ST18: variants seen among roughly 807,000 people sequenced by gnomAD.
ST18 encodes ST18 C2H2C-type zinc finger transcription factor, also known as suppression of tumorigenicity 18 protein.
ST18 carries 50 observed loss-of-function variants against 110.0 expected under a neutral mutation model. The ratio of observed to expected loss-of-function variants is 0.45; its 90% CI spans 0.36 to 0.58. The LOEUF (loss-of-function observed/expected upper bound fraction) is 0.58, where lower values mean the gene tolerates loss of function less well. Ranked by LOEUF, ST18 falls within the 20% of genes least tolerant of loss-of-function variation. The pLI is 0.00. For missense variants in ST18, 1,306 were observed against 1,280.1 expected, an observed-to-expected ratio of 1.02 and a Z score of -0.31; for synonymous variants, 461 against 452.4, an observed-to-expected ratio of 1.02 and a Z score of -0.24.
intron 7 of ST18, among the ~76,000 whole-genome samples, chr8:52,213,570 T>C (rs570985114): frequency 1.3e-5 from 2 of 152,296 alleles, no homozygotes; most frequent in South Asian, 4.2e-4. Flanking sequence ...TATAATAAAA[T>C]TTATTTTCCT....
Position 52,158,892 on chromosome 8 carries a change from G to A in ST18, c.1806+6C>T, listed in dbSNP as rs1423996771. The A allele has an allele frequency of 3.1e-6, 5 of 1,613,912 alleles. No homozygotes were observed. The highest frequency in any genetic ancestry group is 4.2e-6 in the Non-Finnish European group (5 of 1,179,824). On this transcript the variant is annotated splice_donor_region_variant and intron_variant, in intron 15 of 25. Coordinates refer to ENST00000689386, the MANE Select transcript of ST18 (RefSeq NM_001352837.2). The stretch of plus-strand genomic sequence containing the variant: ...GCCCACCCTCCGGGCTCTTGGACTG[G>A]CCTACCTTGGCATGCAGACTCTGTG...
chr8:52,399,026 T>C (rs190104956), intron 2 of ST18, among the ~76,000 whole-genome samples: 2 of 152,190 alleles, frequency 1.3e-5, no homozygotes, highest in Admixed American at 6.5e-5. Context: ...TAATTCTTCT[T>C]TGAATGTTTG....
intron 9 of ST18, among the ~76,000 whole-genome samples, chr8:52,173,191 A>G (rs149195836): frequency 6.6e-6 from 1 of 152,198 alleles, no homozygotes; most frequent in East Asian, 1.9e-4. Context: ...TACCTTTGTA[A>G]TTGTCACCCT....
At chr8:52,315,754 A>C (rs1010079912) in intron 2 of ST18, among the ~76,000 whole-genome samples, 1 of 152,238 alleles carries the variant, frequency 6.6e-6, no homozygotes, top group Non-Finnish European at 1.5e-5. Flanking sequence ...ACTTAGCTAT[A>C]TAGCTGTCAA....
intron 25 of ST18, among the ~76,000 whole-genome samples, chr8:52,114,148 T>A (rs1312913114): frequency 1.3e-5 from 2 of 151,744 alleles, no homozygotes; most frequent in Non-Finnish European, 2.9e-5. Context: ...TTTTGTATTT[T>A]TATTAGAGAT....
chr8:52,288,999 C>T (rs2095512877), intron 2 of ST18, among the ~76,000 whole-genome samples: 3 of 152,148 alleles, frequency 2.0e-5, no homozygotes, highest in African/African-American at 7.2e-5. Context: ...CATTTTCCTA[C>T]ATGACCATCA....
rs1423723619 is a variant in ST18 at position 52,112,596 on chromosome 8, T to C, written c.*602A>G. On this transcript the variant is annotated 3_prime_UTR_variant, in exon 26 of 26. Coordinates refer to ENST00000689386, the MANE Select transcript of ST18 (RefSeq NM_001352837.2). ...CTAGTGGGCGCCATTTGTCTTCTTA[T>C]TCCTTCCGTGCAGCTCACCTTACCG... 2 of 152,618 alleles carry C rather than the reference T, an allele frequency of 1.3e-5. No homozygotes were observed. The highest frequency in any genetic ancestry group is 1.3e-4 in the Admixed American group (2 of 15,274). 9.5% of individuals were successfully genotyped at this position (152,618 alleles called of 1,614,324 possible).
rs143603516 is a variant in ST18, at chr8:52,172,307, G to C, written c.554C>G (p.Pro185Arg). 4.3e-6 allele frequency: 7 copies of C among 1,614,016 alleles called. No homozygotes were observed. Among genetic ancestry groups the C allele is most frequent in the Admixed American group, 3.3e-5 (2 of 59,998 alleles). Residue 185 changes from proline (P) to arginine (R), a missense_variant, in exon 10 of 26, where the codon CCC (proline) becomes CGC (arginine). Transcript: ENST00000689386. ...TTCATTGTCATCAGAGGAGCAGAAG[G>C]GTGGCTGAGAATCATCAATCTTGTC... ...GRDKIDDSQP[P>R]FCSSDDNESN...
Position 52,133,043 on chromosome 8 carries a change from A to G in ST18, c.2444+14T>C. On this transcript the variant is annotated intron_variant, in intron 21 of 25. Transcript: ENST00000689386. ...AGAGACAGCTGACCCCCATGTCTCA[A>G]CTGTTGCACTTACTTCAGTTCAGGG... is the stretch of plus-strand genomic sequence containing the variant. The G allele has an allele frequency of 6.2e-7, 1 of 1,613,742 alleles. No homozygotes were observed. Among genetic ancestry groups the G allele is most frequent in the Non-Finnish European group, 8.5e-7 (1 of 1,179,724 alleles).
rs372409989 is a variant in ST18, at chr8:52,159,046, T to C, written c.1658A>G (p.Gln553Arg). The stretch of plus-strand genomic sequence containing the variant: ...ATAAGAGCTGGCACGGCCAGGGCTC[T>C]GGGTGTGGGCGCCTGCACTAGGCAG... Reference protein sequence around the residue: ...NRLPSAGAHTQSPGRASSYSY... With the variant: ...NRLPSAGAHTRSPGRASSYSY... The change falls in exon 15 of 26, where the codon CAG (glutamine) becomes CGG (arginine). Residue 553 changes from glutamine (Q) to arginine (R), a missense_variant. Physicochemically the swap from Gln to Arg is conservative, Grantham distance 43 (BLOSUM62 1). Transcript: ENST00000689386. 8.7e-6 allele frequency: 14 copies of C among 1,614,190 alleles called. No individual in the cohort carries two copies. The Admixed American group carries it at 2.0e-4, about 23-fold the overall frequency.
At chr8:52,305,837 A>C (rs754116224) in intron 2 of ST18, among the ~76,000 whole-genome samples, 16 of 152,188 alleles carry the variant, frequency 1.1e-4, no homozygotes, top group Non-Finnish European at 5.9e-5. Flanking sequence ...AGTGTCTCCT[A>C]ACAGGACTCC....
intron 25 of ST18, among the ~76,000 whole-genome samples, chr8:52,114,697 T>C (rs1279440316): frequency 6.6e-6 from 1 of 152,120 alleles, no homozygotes; most frequent in Non-Finnish European, 1.5e-5. Flanking sequence ...GGTAGCACAG[T>C]GGGTAAAGGC....
chr8:52,343,619 CAG>C (rs1816270473), intron 2 of ST18, among the ~76,000 whole-genome samples: 1 of 152,146 alleles, frequency 6.6e-6, no homozygotes, highest in Non-Finnish European at 1.5e-5. Context: ...ACCTTTCACA[CAG>C]AGAGTCACTT....
chr8:52,266,484 A>G (rs146118460), intron 2 of ST18, among the ~76,000 whole-genome samples: 141 of 151,922 alleles, frequency 9.3e-4, no homozygotes, highest in Non-Finnish European at 1.8e-3. Flanking sequence ...AAGAGAATGT[A>G]TAGATTTAGG....
At chr8:52,173,421 G>T (rs1216311712) in intron 9 of ST18, among the ~76,000 whole-genome samples, 1 of 152,198 alleles carries the variant, frequency 6.6e-6, no homozygotes, top group Non-Finnish European at 1.5e-5. Context: ...AGCCCCCAGT[G>T]CCTGTCTGTC....
At chr8:52,171,711 G>T in intron 10 of ST18, 81 bp downstream of exon 10, 1 of 1,492,586 alleles carries the variant, frequency 6.7e-7, no homozygotes, top group Non-Finnish European at 9.2e-7. Flanking sequence ...AAAGCTACCT[G>T]AAAAAAATAA....
chr8:52,308,216 C>CACA (rs2095845171), intron 2 of ST18, among the ~76,000 whole-genome samples: 1 of 152,114 alleles, frequency 6.6e-6, no homozygotes, highest in African/African-American at 2.4e-5. Context: ...ACAATCAAAC[C>CACA]AAGGCGAAAA....
chr8:52,340,326 G>A (rs1405542603), intron 2 of ST18, among the ~76,000 whole-genome samples: 2 of 152,222 alleles, frequency 1.3e-5, no homozygotes, highest in African/African-American at 4.8e-5. Context: ...ACATTTCACT[G>A]GTGTACGTTT....
chr8:52,161,365 C>A lies in ST18; in HGVS notation c.1594+10G>T, dbSNP rs1409936279. On this transcript the variant is annotated intron_variant, in intron 14 of 25. Transcript: ENST00000689386. ...ATTTTGGGGAAACGGCATTAGAGCT[C>A]AAAGCTTACATTCAGGAAATGGTGG... 6.2e-7 allele frequency: 1 copy of A among 1,611,624 alleles called. No homozygotes were observed.
Sources: allele counts gnomAD v4.1 joint callset (sites outside exome capture counted in the v4.1 genomes callset), GRCh38; gene constraint gnomAD v4.1.1; transcripts MANE v1.5; gene names NCBI Gene and HGNC (gene_info 2026-07-23, HGNC 2026-07-21).